The following ZDHHC15 variants were observed in gnomAD, a reference collection of about 807,000 sequenced individuals.
ZDHHC15 encodes the protein palmitoyltransferase ZDHHC15.
In ZDHHC15, 19 loss-of-function variants were observed where a neutral mutation model predicts 31.7. That is an observed-to-expected ratio of 0.60 (90% CI 0.42 to 0.88). The LOEUF (loss-of-function observed/expected upper bound fraction) is 0.88, where lower values mean the gene tolerates loss of function less well. ZDHHC15 is among the 40% of genes least tolerant of loss of function. ZDHHC15 has a pLI of 0.00. For synonymous variants in ZDHHC15, 103 were observed against 90.0 expected (o/e 1.14, Z -0.82); for missense variants, 209 against 251.2 (o/e 0.83, Z 1.14).
chrX:75,409,384 A>T (rs1252515557), intron 10 of ZDHHC15, among the ~76,000 whole-genome samples: 1 of 105,871 alleles, frequency 9.4e-6, no homozygotes, highest in Non-Finnish European at 1.9e-5. Flanking sequence ...GCTACTCAGG[A>T]GCCTGAGGCA....
chrX:75,432,556 C>T (rs73220093), intron 4 of ZDHHC15, among the ~76,000 whole-genome samples: 9,015 of 111,364 alleles, frequency 0.081, 389 homozygotes, highest in Non-Finnish European at 0.12. Context: ...ACTGTCAATG[C>T]TCCTATCCTC....
intron 4 of ZDHHC15, among the ~76,000 whole-genome samples, chrX:75,445,164 C>G (rs1230153792): frequency 9.0e-6 from 1 of 111,172 alleles, no homozygotes; most frequent in Non-Finnish European, 1.9e-5. Context: ...ACATATACCT[C>G]ATTGTTCTTT....
intron 11 of ZDHHC15, among the ~76,000 whole-genome samples, chrX:75,377,195 A>G (rs901225332): frequency 9.0e-6 from 1 of 111,137 alleles, no homozygotes; most frequent in Non-Finnish European, 1.9e-5. Context: ...TGTGTTCCCA[A>G]GTACTTTTCT....
At chrX:75,387,810 A>T (rs777698548) in intron 10 of ZDHHC15, among the ~76,000 whole-genome samples, 1 of 112,266 alleles carries the variant, frequency 8.9e-6, no homozygotes, top group Non-Finnish European at 1.9e-5. Context: ...AGAAGGTCAG[A>T]GCACACCAAA....
chrX:75,446,918 A>C (rs1440995127), intron 4 of ZDHHC15, among the ~76,000 whole-genome samples: 3 of 111,917 alleles, frequency 2.7e-5, no homozygotes, highest in Non-Finnish European at 5.6e-5. Context: ...GGGGCACACA[A>C]ACATTTGAAA....
chrX:75,373,925 T>C lies in ZDHHC15; in HGVS notation c.*33-980A>G, dbSNP rs12861760. On this transcript the variant is annotated intron_variant, in intron 11 of 11. Coordinates refer to ENST00000373367, the MANE Select transcript of ZDHHC15 (RefSeq NM_144969.3). Reference sequence around the variant, plus strand: ...AATACTAGGTCTTATTCATTCTTTCTGTTTTTTTTTTTTTTTTTTTTTTGT... The same window carrying C: ...AATACTAGGTCTTATTCATTCTTTCCGTTTTTTTTTTTTTTTTTTTTTTGT... Among the ~76,000 whole-genome samples, 12 of 65,358 alleles carry C rather than the reference T, an allele frequency of 1.8e-4. No individual in the cohort carries two copies. In the Admixed American group the frequency reaches 2.6e-3, roughly 14 times the overall value. 56.8% of individuals were successfully genotyped at this position (65,358 alleles called of 115,157 possible). A position where few individuals can be genotyped will look rare whatever the true frequency, so the allele number is the denominator to read the frequency against.
chrX:75,496,750 G>C (rs1483607118), intron 2 of ZDHHC15, among the ~76,000 whole-genome samples: 1 of 111,362 alleles, frequency 9.0e-6, no homozygotes, highest in African/African-American at 3.3e-5. Flanking sequence ...TCTGCTCCTG[G>C]ATCAACAGTA....
intron 2 of ZDHHC15, among the ~76,000 whole-genome samples, chrX:75,489,122 G>A (rs2084827457): frequency 8.9e-6 from 1 of 112,002 alleles, no homozygotes; most frequent in Admixed American, 9.4e-5. Context: ...GCCCACCACA[G>A]CTCAAGGAGG....
rs34663369 is a variant in ZDHHC15 at position 75,383,735 on chromosome X, G to GT, written c.968-4538dup. On this transcript the variant is annotated intron_variant, in intron 10 of 11. Transcript: ENST00000373367. ...CTACCCCAAATTTAAGAAATGTTAGGTTTTTTTTTTTTTTTTTTTTTGAGA... is the reference window on the plus strand; with the variant it reads ...CTACCCCAAATTTAAGAAATGTTAGGTTTTTTTTTTTTTTTTTTTTTTGAGA... 3.9e-3 allele frequency among the ~76,000 whole-genome samples: 335 copies of GT among 86,579 alleles called. 17 individuals carry two copies. Among genetic ancestry groups the GT allele is most frequent in the African/African-American group, 0.013 (298 of 22,543 alleles). 75.2% of individuals were successfully genotyped at this position (86,579 alleles called of 115,157 possible).
At chrX:75,521,456 A>C (rs2085439883) in intron 1 of ZDHHC15, among the ~76,000 whole-genome samples, 1 of 110,686 alleles carries the variant, frequency 9.0e-6, no homozygotes, top group African/African-American at 3.3e-5. Context: ...AATAATAAGA[A>C]TGGGGAACGG....
chrX:75,488,412 G>A (rs962241078), intron 2 of ZDHHC15, among the ~76,000 whole-genome samples: 2 of 111,795 alleles, frequency 1.8e-5, no homozygotes, highest in Non-Finnish European at 3.8e-5. Flanking sequence ...TTTGTATCTG[G>A]CAAAACTAAG....
rs376132593 is a variant in ZDHHC15, at chrX:75,439,232, T to C, written c.380-7712A>G. ...AGGCCAGGGACATTTTCCTCGGTTT[T>C]TCCCCCAAATAAGTTTTCCAAACAC... On this transcript the variant is annotated intron_variant, in intron 4 of 11. Transcript: ENST00000373367. Among the ~76,000 whole-genome samples the C allele has an allele frequency of 6.6e-4, 74 of 111,940 alleles. 3 individuals are homozygous for C. In the South Asian group the frequency reaches 0.026, roughly 40 times the overall value.
intron 1 of ZDHHC15, among the ~76,000 whole-genome samples, chrX:75,518,792 TATATATATATATATACACACACAC>T (rs1218250557): frequency 1.1e-4 from 3 of 26,219 alleles, no homozygotes; most frequent in African/African-American, 3.3e-4. Flanking sequence ...TATATATATA[TATATATATATATATACACACACAC>T]ACACACACAC....
intron 1 of ZDHHC15, among the ~76,000 whole-genome samples, chrX:75,506,460 A>G (rs1235648851): frequency 8.9e-6 from 1 of 111,889 alleles, no homozygotes; most frequent in Non-Finnish European, 1.9e-5. Flanking sequence ...TTGGGTCTTA[A>G]AAATTCTCCT....
At chrX:75,476,365 G>C (rs2084605024) in intron 3 of ZDHHC15, among the ~76,000 whole-genome samples, 1 of 110,138 alleles carries the variant, frequency 9.1e-6, no homozygotes, top group African/African-American at 3.3e-5. Flanking sequence ...GCAGGTTTTT[G>C]ATTACTAATT....
intron 10 of ZDHHC15, 139 bp downstream of exon 10, chrX:75,416,948 A>G: frequency 2.3e-6 from 1 of 432,323 alleles, no homozygotes; most frequent in Non-Finnish European, 4.0e-6. Context: ...TACTAAACAA[A>G]TATGGCCATA....
chrX:75,448,434 A>G (rs2084063336), intron 4 of ZDHHC15, among the ~76,000 whole-genome samples: 1 of 112,326 alleles, frequency 8.9e-6, no homozygotes, highest in Non-Finnish European at 1.9e-5. Context: ...TTATGTTGTT[A>G]TGAATACAGT....
Position 75,424,939 on chromosome X carries a change from T to C in ZDHHC15, c.604-155A>G, listed in dbSNP as rs148283404. Among the ~76,000 whole-genome samples the C allele has an allele frequency of 5.6e-4, 63 of 111,695 alleles. No homozygotes were observed. The East Asian group carries it at 0.016, about 28-fold the overall frequency. ...AATTTTTATAATATGGTTCTTTCTG[T>C]CAATGATGATACCTGTGAGTGTGCT... On this transcript the variant is annotated intron_variant, in intron 7 of 11. Coordinates refer to ENST00000373367, the MANE Select transcript of ZDHHC15 (RefSeq NM_144969.3).
chrX:75,445,479 T>C (rs1041330035), intron 4 of ZDHHC15, among the ~76,000 whole-genome samples: 11 of 112,115 alleles, frequency 9.8e-5, no homozygotes, highest in Non-Finnish European at 1.5e-4. Context: ...TGAGGTTGGC[T>C]TGTAGCTTCT....
Sources: allele counts gnomAD v4.1 joint callset (sites outside exome capture counted in the v4.1 genomes callset), GRCh38; gene constraint gnomAD v4.1.1; transcripts MANE v1.5; gene names NCBI Gene and HGNC (gene_info 2026-07-23, HGNC 2026-07-21).